The following BMPR1B variants were observed in gnomAD, a reference collection of about 807,000 sequenced individuals.
BMPR1B encodes the protein bone morphogenetic protein receptor type-1B.
BMPR1B carries 12 observed loss-of-function variants against 59.1 expected under a neutral mutation model. The ratio of observed to expected loss-of-function variants is 0.20; its 90% confidence interval spans 0.13 to 0.33. The LOEUF (loss-of-function observed/expected upper bound fraction) is 0.33. Ranked by LOEUF, BMPR1B falls within the 10% of genes least tolerant of loss-of-function variation. The pLI is 1.00. For missense variants in BMPR1B, 550 were observed against 610.9 expected, an observed-to-expected ratio of 0.90 and a Z score of 1.05; for synonymous variants, 237 against 207.3, an observed-to-expected ratio of 1.14 and a Z score of -1.23.
At chr4:94,823,545 T>C (rs540770801) in intron 1 of BMPR1B, among the ~76,000 whole-genome samples, 134 of 152,200 alleles carry the variant, frequency 8.8e-4, no homozygotes, top group African/African-American at 3.1e-3. Context: ...GAATTAATGG[T>C]CACAGTTTAT....
intron 2 of BMPR1B, among the ~76,000 whole-genome samples, chr4:94,944,945 T>C (rs541174142): frequency 6.6e-6 from 1 of 152,192 alleles, no homozygotes; most frequent in Non-Finnish European, 1.5e-5. Context: ...AGCTTTACAT[T>C]ATAAACCATA....
intron 1 of BMPR1B, among the ~76,000 whole-genome samples, chr4:94,856,856 T>C (rs958335448): frequency 1.3e-5 from 2 of 152,200 alleles, no homozygotes; most frequent in African/African-American, 4.8e-5. Context: ...ATATTTGTAA[T>C]GACTAGAACA....
intron 3 of BMPR1B, among the ~76,000 whole-genome samples, chr4:95,051,066 T>C (rs1726463971): frequency 6.6e-6 from 1 of 152,208 alleles, no homozygotes; most frequent in South Asian, 2.1e-4. Context: ...GCAGTATTCA[T>C]TAGAGATTTC....
intron 6 of BMPR1B, among the ~76,000 whole-genome samples, chr4:95,122,268 A>G (rs1732584735): frequency 6.6e-6 from 1 of 152,002 alleles, no homozygotes; most frequent in South Asian, 2.1e-4. Context: ...CCCAGAAGGC[A>G]GAGGTTGCAG....
intron 1 of BMPR1B, among the ~76,000 whole-genome samples, chr4:94,866,143 A>G (rs1229011832): frequency 6.6e-6 from 1 of 152,130 alleles, no homozygotes; most frequent in Non-Finnish European, 1.5e-5. Context: ...TGTTTATCCC[A>G]TATGTTATCT....
At chr4:95,110,249 TGTG>T (rs1731533057) in intron 4 of BMPR1B, among the ~76,000 whole-genome samples, 1 of 151,872 alleles carries the variant, frequency 6.6e-6, no homozygotes, top group Non-Finnish European at 1.5e-5. Flanking sequence ...CAAGGTGAGA[TGTG>T]GTGAGGGTCC....
At chr4:94,893,479 A>G (rs987112611) in intron 2 of BMPR1B, among the ~76,000 whole-genome samples, 2 of 152,032 alleles carry the variant, frequency 1.3e-5, no homozygotes, top group African/African-American at 4.8e-5. Context: ...GTTCTTAGAG[A>G]AAATATGACT....
chr4:94,973,611 A>G (rs755316914), intron 2 of BMPR1B, among the ~76,000 whole-genome samples: 5 of 152,136 alleles, frequency 3.3e-5, no homozygotes, highest in Admixed American at 6.5e-5. Flanking sequence ...GGGTGGGGCC[A>G]TGGGTTGTTT....
chr4:94,810,174 C>G (rs1371040461), intron 1 of BMPR1B, among the ~76,000 whole-genome samples: 2 of 152,178 alleles, frequency 1.3e-5, no homozygotes, highest in Non-Finnish European at 2.9e-5. Flanking sequence ...CCTTAGCATT[C>G]CACATATTGG....
intron 3 of BMPR1B, among the ~76,000 whole-genome samples, chr4:95,016,372 A>T (rs147691061): frequency 2.6e-5 from 4 of 152,338 alleles, no homozygotes; most frequent in Non-Finnish European, 5.9e-5. Context: ...TTACAAAATT[A>T]TGCATGGATG....
chr4:95,101,518 T>C (rs1406831626), intron 3 of BMPR1B, among the ~76,000 whole-genome samples: 1 of 152,160 alleles, frequency 6.6e-6, no homozygotes, highest in African/African-American at 2.4e-5. Context: ...GAAGTACTTT[T>C]AGAAGTACCT....
At chr4:95,054,207 C>T (rs537947349) in intron 3 of BMPR1B, among the ~76,000 whole-genome samples, 71 of 152,246 alleles carry the variant, frequency 4.7e-4, no homozygotes, top group Middle Eastern at 6.8e-3. Context: ...TAATATTGCA[C>T]TTCCACCTCA....
chr4:94,783,953 T>C (rs1053828836), intron 1 of BMPR1B, among the ~76,000 whole-genome samples: 3 of 152,042 alleles, frequency 2.0e-5, no homozygotes, highest in Middle Eastern at 3.2e-3. Flanking sequence ...GGGAGTGGAG[T>C]TTCTCTCATA....
At chr4:94,787,012 C>T (rs566893193) in intron 1 of BMPR1B, among the ~76,000 whole-genome samples, 1 of 152,142 alleles carries the variant, frequency 6.6e-6, no homozygotes, top group Non-Finnish European at 1.5e-5. Context: ...CTTTTATTCC[C>T]CAGGACATTT....
At chr4:94,902,716 T>G (rs142770720) in intron 2 of BMPR1B, among the ~76,000 whole-genome samples, 1 of 152,010 alleles carries the variant, frequency 6.6e-6, no homozygotes, top group Non-Finnish European at 1.5e-5. Context: ...CATATCTCTT[T>G]GAATATATTA....
intron 1 of BMPR1B, among the ~76,000 whole-genome samples, chr4:94,847,358 CT>C (rs1174633264): frequency 6.6e-6 from 1 of 152,156 alleles, no homozygotes; most frequent in African/African-American, 2.4e-5. Context: ...AGCACAGCCA[CT>C]ATGGAAAACA....
chr4:95,049,358 C>T (rs1323131687), intron 3 of BMPR1B, among the ~76,000 whole-genome samples: 1 of 148,678 alleles, frequency 6.7e-6, no homozygotes, highest in Non-Finnish European at 1.5e-5. Context: ...AGGTGATCCT[C>T]CTGCCTCAGC....
chr4:95,130,099 C>G (rs749119292), intron 9 of BMPR1B, 45 bp downstream of exon 9: 30 of 1,593,250 alleles, frequency 1.9e-5, no homozygotes, highest in Non-Finnish European at 2.4e-5. Flanking sequence ...TCCTAGCTTT[C>G]CTCTGTCTTT....
intron 1 of BMPR1B, among the ~76,000 whole-genome samples, chr4:94,796,346 T>G (rs1280507790): frequency 1.3e-5 from 2 of 152,220 alleles, no homozygotes; most frequent in Non-Finnish European, 2.9e-5. Flanking sequence ...GAAATCATGT[T>G]TGTGGGTTTA....
Sources: gnomAD v4.1 joint callset for allele counts (sites outside exome capture counted in the v4.1 genomes callset) on GRCh38, gnomAD v4.1.1 for gene constraint, MANE v1.5 for transcripts, NCBI Gene and HGNC (gene_info 2026-07-23, HGNC 2026-07-21) for gene names.